CNTRL: variants seen among roughly 807,000 people sequenced by gnomAD.
The protein encoded by CNTRL is 110 kDa centrosomal protein.
In CNTRL, 233 loss-of-function variants were observed where a neutral mutation model predicts 303.7. That is an observed-to-expected ratio of 0.77 (90% CI 0.69 to 0.86). The LOEUF is 0.86. Ranked by LOEUF, CNTRL falls within the 40% of genes least tolerant of loss-of-function variation. The pLI, the probability that CNTRL is intolerant of heterozygous loss-of-function variation, is 0.00. For missense variants in CNTRL, 2,524 were observed against 2,650.6 expected (o/e 0.95, Z 1.05); for synonymous variants, 900 against 922.2 (o/e 0.98, Z 0.44).
intron 7 of CNTRL, among the ~76,000 whole-genome samples, chr9:121,099,518 T>C (rs894496609): frequency 6.6e-6 from 1 of 152,234 alleles, no homozygotes; most frequent in South Asian, 2.1e-4. Flanking sequence ...GGAATGCAGC[T>C]CCTCACCAGC....
chr9:121,160,451 A>AGGT, intron 32 of CNTRL, 149 bp downstream of exon 32: 9 of 482,934 alleles, frequency 1.9e-5, no homozygotes, highest in Non-Finnish European at 2.5e-5. Flanking sequence ...AAGGAATATG[A>AGGT]TATTTTCTGC....
intron 34 of CNTRL, among the ~76,000 whole-genome samples, chr9:121,162,760 A>G (rs1303936885): frequency 6.6e-6 from 1 of 152,206 alleles, no homozygotes; most frequent in Non-Finnish European, 1.5e-5. Context: ...TAGAACAAAA[A>G]TTTAGGACTA....
rs1162153473 is a variant in CNTRL, at chr9:121,074,986, G to C, written c.-286G>C. The C allele has an allele frequency of 2.2e-6, 1 of 455,730 alleles. No individual in the cohort carries two copies. The highest frequency in any genetic ancestry group is 4.4e-6 in the Non-Finnish European group (1 of 226,610). 28.2% of individuals were successfully genotyped at this position (455,730 alleles called of 1,614,324 possible). On this transcript the variant is annotated 5_prime_UTR_variant, in exon 1 of 44. Transcript: ENST00000373855. ...CACAACACAACAAAATGGCTGCCGC[G>C]CCGCTGGGCCCCTGAGGAAAGAGCC...
intron 24 of CNTRL, among the ~76,000 whole-genome samples, chr9:121,149,969 A>G (rs546307557): frequency 5.3e-5 from 8 of 152,352 alleles, no homozygotes; most frequent in African/African-American, 7.2e-5. Flanking sequence ...AAACTCAAGT[A>G]TCAGCCATAG....
Position 121,141,511 on chromosome 9 carries a change from A to G in CNTRL, c.2614A>G (p.Met872Val). The G allele has an allele frequency of 6.2e-7, 1 of 1,614,148 alleles. No individual in the cohort carries two copies. Residue 872 changes from methionine (M) to valine (V), a missense_variant, in exon 18 of 44, where the codon ATG (methionine) becomes GTG (valine). Transcript: ENST00000373855. ...QVRERKLQEE[M>V]ALQQEKLATG... ...TAGAGAGAGAAAACTCCAAGAAGAA[A>G]TGGCTCTGCAGCAAGAGAAACTGGC...
intron 2 of CNTRL, among the ~76,000 whole-genome samples, chr9:121,083,954 A>C (rs1180324301): frequency 6.6e-6 from 1 of 152,248 alleles, no homozygotes; most frequent in Non-Finnish European, 1.5e-5. Context: ...TCACAATATC[A>C]CATATATGAA....
At chr9:121,107,664 A>G (rs2049541885) in intron 7 of CNTRL, 138 bp from the exon 8 acceptor site, 2 of 581,818 alleles carry the variant, frequency 3.4e-6, no homozygotes, top group Non-Finnish European at 5.7e-6. Flanking sequence ...TTTTTCCAAA[A>G]CCATGGTGGC....
In CNTRL at chr9:121,124,026, T is replaced by G; in HGVS notation, c.1746T>G (p.Leu582=). The G allele has an allele frequency of 6.2e-7, 1 of 1,613,116 alleles. No individual in the cohort carries two copies. Among genetic ancestry groups the G allele is most frequent in the Non-Finnish European group, 8.5e-7 (1 of 1,179,552 alleles). Residue 582 remains leucine, a synonymous_variant, in exon 13 of 44, where the codon CTT becomes CTG. Transcript: ENST00000373855. The stretch of plus-strand genomic sequence containing the variant: ...TTGAAAGTCGTTTGGATGAGATACT[T>G]TCTAGAATTGCTAAGGAAACGGAAG... The part of the protein sequence containing the change: ...QQLESRLDEI[L]SRIAKETEEI...
chr9:121,115,258 C>T, intron 11 of CNTRL, 58 bp downstream of exon 11: 2 of 936,824 alleles, frequency 2.1e-6, no homozygotes, highest in Non-Finnish European at 3.3e-6. Context: ...TGTGTTTTTC[C>T]CTTCATAACC....
chr9:121,121,017 A>G (rs2050200293), intron 12 of CNTRL, among the ~76,000 whole-genome samples: 1 of 152,218 alleles, frequency 6.6e-6, no homozygotes, highest in Admixed American at 6.5e-5. Context: ...TAGGCTACAA[A>G]ATGTGAGCCT....
At chr9:121,162,555 T>C (rs1016227137) in intron 34 of CNTRL, among the ~76,000 whole-genome samples, 1 of 152,044 alleles carries the variant, frequency 6.6e-6, no homozygotes, top group Non-Finnish European at 1.5e-5. Context: ...AAAGACAACA[T>C]TGTTAAAGAT....
In CNTRL at chr9:121,150,423, C is replaced by T; in HGVS notation, c.3903C>T (p.Phe1301=). Residue 1301 remains phenylalanine (F), a synonymous_variant, in exon 25 of 44, where the codon TTC becomes TTT. Transcript: ENST00000373855. The part of the protein sequence containing the change: ...PMVYGPPPPN[F]SIPFIPMGVL... ...TGTATGGGCCTCCACCCCCCAACTT[C>T]TCCATCCCCTTCATCCCTATGGGTG... is the stretch of plus-strand genomic sequence containing the variant. 6.2e-7 allele frequency: 1 copy of T among 1,614,204 alleles called. No individual in the cohort carries two copies. The highest frequency in any genetic ancestry group is 1.1e-5 in the South Asian group (1 of 91,088).
chr9:121,170,663 C>G lies in CNTRL; in HGVS notation c.6277-745C>G, dbSNP rs562891775. On this transcript the variant is annotated intron_variant, in intron 39 of 43. Transcript: ENST00000373855. ...TAGAGACGGGGTTCACCATGTTGGCCAGGCTGGTCTTGCACTCCTGACCTT... is the reference window on the plus strand; with the variant it reads ...TAGAGACGGGGTTCACCATGTTGGCGAGGCTGGTCTTGCACTCCTGACCTT... 5.3e-5 allele frequency among the ~76,000 whole-genome samples: 8 copies of G among 152,088 alleles called. No homozygotes were observed. The South Asian group carries it at 1.7e-3, about 32-fold the overall frequency.
chr9:121,101,686 C>G (rs1197309358), intron 7 of CNTRL, among the ~76,000 whole-genome samples: 2 of 152,040 alleles, frequency 1.3e-5, no homozygotes, highest in African/African-American at 2.4e-5. Flanking sequence ...AGAGAAGAAT[C>G]AAATAGACAC....
In CNTRL at chr9:121,158,840, T is replaced by A. The variant is rs77552421; in HGVS notation, c.4765-15T>A. ...GGCCTTTGTCAAACTTACTCTTCCC[T>A]TTTCTTTAATACAGGTGACAAGTCA... is the stretch of plus-strand genomic sequence containing the variant. On this transcript the variant is annotated splice_polypyrimidine_tract_variant and intron_variant, in intron 30 of 43. Coordinates refer to ENST00000373855, the MANE Select transcript of CNTRL (RefSeq NM_007018.6). 7.7e-4 allele frequency: 1,249 copies of A among 1,612,772 alleles called. 7 individuals are homozygous for A. Among genetic ancestry groups the A allele is most frequent in the African/African-American group, 7.1e-3 (536 of 74,978 alleles).
At chr9:121,132,757 C>T (rs2050941608) in intron 14 of CNTRL, among the ~76,000 whole-genome samples, 1 of 152,174 alleles carries the variant, frequency 6.6e-6, no homozygotes, top group Non-Finnish European at 1.5e-5. Flanking sequence ...GGTTTCTCCC[C>T]ATCTTTGTGG....
At chr9:121,083,518 T>TG (rs2048228641) in intron 2 of CNTRL, among the ~76,000 whole-genome samples, 1 of 152,212 alleles carries the variant, frequency 6.6e-6, no homozygotes, top group South Asian at 2.1e-4. Flanking sequence ...ATAACATGCA[T>TG]GGAGCTGTCA....
chr9:121,085,333 C>T (rs1165994474), intron 2 of CNTRL, among the ~76,000 whole-genome samples: 1 of 152,104 alleles, frequency 6.6e-6, no homozygotes, highest in Non-Finnish European at 1.5e-5. Context: ...GATTACATAG[C>T]TTGTGTTCAC....
chr9:121,171,371 G>A (rs1250688702), intron 39 of CNTRL, 37 bp from the exon 40 acceptor site: 1 of 1,612,662 alleles, frequency 6.2e-7, no homozygotes. Flanking sequence ...ACCTCCATGT[G>A]TTAGATCGCA....
Sources: allele counts gnomAD v4.1 joint callset (sites outside exome capture counted in the v4.1 genomes callset), GRCh38; gene constraint gnomAD v4.1.1; transcripts MANE v1.5; gene names NCBI Gene and HGNC (gene_info 2026-07-23, HGNC 2026-07-21).